Variants in GAK observed in about 807,000 individuals in gnomAD.
GAK encodes cyclin-G-associated kinase.
A neutral mutation model predicts 143.9 loss-of-function variants in GAK; 79 were observed. The observed-to-expected ratio is 0.55, with a 90% CI of 0.46 to 0.66. The LOEUF (loss-of-function observed/expected upper bound fraction) is 0.66. Ranked by LOEUF, GAK falls within the 30% of genes least tolerant of loss-of-function variation. The pLI, the probability that GAK is intolerant of heterozygous loss-of-function variation, is 0.00. For synonymous variants in GAK, 881 were observed against 765.5 expected (o/e 1.15, Z -2.49); for missense variants, 1,693 against 1,779.7 (o/e 0.95, Z 0.88).
rs1725990998 is a variant in GAK at position 932,144 on chromosome 4, C to A, written c.44G>T (p.Gly15Val). Residue 15 changes from glycine to valine, a missense_variant, in exon 1 of 28, where the codon GGC becomes GTC. Coordinates refer to ENST00000314167, the MANE Select transcript of GAK (RefSeq NM_005255.4). The surrounding 1 kb of genome is among the most constrained non-coding windows in gnomAD (Gnocchi z 4.0). ...GCGGCCGGAAGCACCGCCCAGGGAG[C>A]CTGGACCCGCCAAGAAGTCGAGCGC... ...QSALDFLAGP[G>V]SLGGASGRDQ... is the part of the protein sequence containing the mutation. 1.6e-5 allele frequency: 25 copies of A among 1,582,290 alleles called. No homozygotes were observed. The highest frequency in any genetic ancestry group is 2.1e-5 in the Non-Finnish European group (25 of 1,165,240).
intron 1 of GAK, among the ~76,000 whole-genome samples, chr4:916,636 C>A (rs928110922): frequency 4.6e-5 from 7 of 152,182 alleles, no homozygotes; most frequent in Non-Finnish European, 7.3e-5. Flanking sequence ...CAGACTTAAA[C>A]CGCGAAGATA....
At chr4:850,142 C>T (rs534027782) in intron 26 of GAK, 74 bp from the exon 27 acceptor site, 1 of 1,412,880 alleles carries the variant, frequency 7.1e-7, no homozygotes, top group South Asian at 1.4e-5. Context: ...GAAACTGAGG[C>T]ACGACGCTGA....
At position 850,012 on chromosome 4, in the gene GAK, C is replaced by G; in HGVS notation, c.3714G>C (p.Leu1238=). The G allele has an allele frequency of 6.2e-7, 1 of 1,606,826 alleles. No individual in the cohort carries two copies. The highest frequency in any genetic ancestry group is 8.5e-7 in the Non-Finnish European group (1 of 1,176,030). ...TCTCCCCGTCCCACAGCACTGTGTG[C>G]AGCGTGGACAGCAGGGCCCGGATGT... ...ERNIRALLST[L]HTVLWDGESR... is the part of the protein sequence containing the mutation. The change falls in exon 27 of 28, where the codon CTG becomes CTC. Residue 1238 remains leucine, a synonymous_variant. Transcript: ENST00000314167.
At chr4:856,845 G>C (rs1422740393) in intron 24 of GAK, among the ~76,000 whole-genome samples, 1 of 152,214 alleles carries the variant, frequency 6.6e-6, no homozygotes. Flanking sequence ...CAGAGCACTG[G>C]GGTTACGGTG....
rs560848317 is a variant in GAK at position 912,103 on chromosome 4, G to A, written c.268-316C>T. ...AGGGCCCTCAGGGGGCTGTGCGCAG[G>A]GAGGCTGCGGCGTGGCTGTGTCCAC... On this transcript the variant is annotated intron_variant, in intron 3 of 27. Transcript: ENST00000314167. 368 of 466,662 alleles carry A rather than the reference G, an allele frequency of 7.9e-4. 1 individual carries two copies. The highest frequency in any genetic ancestry group is 1.5e-3 in the Admixed American group (65 of 42,860). The allele number at this position is 466,662 out of a possible 1,614,324, so 28.9% of individuals were successfully genotyped here. A position where few individuals can be genotyped will look rare whatever the true frequency, so the allele number is the denominator to read the frequency against.
At chr4:915,199 C>T (rs932538416) in intron 1 of GAK, among the ~76,000 whole-genome samples, 22 of 150,582 alleles carry the variant, frequency 1.5e-4, no homozygotes, top group Non-Finnish European at 2.8e-4. Flanking sequence ...TACACGGCCC[C>T]GTGCACTCAG....
intron 5 of GAK, among the ~76,000 whole-genome samples, chr4:899,524 G>C (rs1457466337): frequency 1.3e-5 from 2 of 152,230 alleles, no homozygotes; most frequent in Non-Finnish European, 2.9e-5. Context: ...GGCAGCGAGA[G>C]GAAGGCAAGT....
Position 877,141 on chromosome 4 carries a change from G to C in GAK, c.1923C>G (p.Leu641=). ...TGGACCGGGCGTGATAGATGACGAT[G>C]AGCACGTCTCCTTGCACCGTGACGC... ...PLGVTVQGDV[L]IVIYHARSTL... The change falls in exon 17 of 28, where the codon CTC becomes CTG. Residue 641 remains leucine, a synonymous_variant. Transcript: ENST00000314167. 1 of 1,614,002 alleles carries C rather than the reference G, an allele frequency of 6.2e-7. No homozygotes were observed. The highest frequency in any genetic ancestry group is 1.3e-5 in the African/African-American group (1 of 75,044).
chr4:905,554 C>A (rs902312096), intron 4 of GAK, among the ~76,000 whole-genome samples: 1 of 150,582 alleles, frequency 6.6e-6, no homozygotes, highest in Non-Finnish European at 1.5e-5. Flanking sequence ...CTCCGCCACG[C>A]CCCAGGCCAT....
At chr4:926,021 C>CG (rs1553899586) in intron 1 of GAK, among the ~76,000 whole-genome samples, 8 of 151,872 alleles carry the variant, frequency 5.3e-5, no homozygotes, top group African/African-American at 1.7e-4. Context: ...GGGTCGTCCC[C>CG]AACAGTGACC....
Position 877,153 on chromosome 4 carries a change from T to G in GAK, c.1911A>C (p.Gln637His). ...GATAGATGACGATGAGCACGTCTCC[T>G]TGCACCGTGACGCCCAGGGGAATCA... The part of the protein sequence containing the change: ...KAVIPLGVTV[Q>H]GDVLIVIYHA... The change falls in exon 17 of 28, where the codon CAA (glutamine) becomes CAC (histidine). Residue 637 changes from glutamine to histidine, a missense_variant. Gln to His is a conservative substitution (Grantham distance 24, BLOSUM62 0). This residue lies in a region of GAK where 871 missense variants were observed against 991.0 expected (regional missense o/e 0.88). Coordinates refer to ENST00000314167, the MANE Select transcript of GAK (RefSeq NM_005255.4). The G allele has an allele frequency of 6.2e-7, 1 of 1,613,930 alleles. No individual in the cohort carries two copies. Among genetic ancestry groups the G allele is most frequent in the Non-Finnish European group, 8.5e-7 (1 of 1,179,934 alleles).
chr4:919,398 G>A (rs1723576778), intron 1 of GAK, among the ~76,000 whole-genome samples: 1 of 152,246 alleles, frequency 6.6e-6, no homozygotes, highest in South Asian at 2.1e-4. Context: ...AGGCTCCAAA[G>A]GCCTTCAGTG....
At chr4:921,108 TTC>T (rs1280725655) in intron 1 of GAK, among the ~76,000 whole-genome samples, 2 of 150,644 alleles carry the variant, frequency 1.3e-5, no homozygotes, top group Non-Finnish European at 3.0e-5. Context: ...CTTCTTCTTT[TTC>T]TTTTTTTTTT....
chr4:929,727 A>C (rs919227751), intron 1 of GAK, among the ~76,000 whole-genome samples: 2 of 152,168 alleles, frequency 1.3e-5, no homozygotes, highest in African/African-American at 4.8e-5. Context: ...AATTTGAAGA[A>C]ATTAGAAAGC....
intron 11 of GAK, chr4:886,196 T>A (rs570616480): frequency 3.3e-5 from 5 of 152,410 alleles, no homozygotes; most frequent in African/African-American, 1.2e-4. Flanking sequence ...ACAGCAGGGC[T>A]GCCCTCAGCT....
chr4:864,713 CCCA>C (rs1457808690), intron 23 of GAK, among the ~76,000 whole-genome samples: 6 of 152,182 alleles, frequency 3.9e-5, no homozygotes, highest in Non-Finnish European at 7.3e-5. Context: ...CGAGACAAGA[CCCA>C]TGGGGTCGGC....
At position 858,785 on chromosome 4, in the gene GAK, T is replaced by C. The variant is rs1232147842; in HGVS notation, c.3283+821A>G. Among the ~76,000 whole-genome samples, 3 of 152,162 alleles carry C rather than the reference T, an allele frequency of 2.0e-5. No homozygotes were observed. The East Asian group carries it at 5.8e-4, about 29-fold the overall frequency. On this transcript the variant is annotated intron_variant, in intron 24 of 27. Coordinates refer to ENST00000314167, the MANE Select transcript of GAK (RefSeq NM_005255.4). ...GCCCTAGAGATCCAACGCCGACACCTGCTCACAGGAATTTGAGGCACTCAG... is the reference window on the plus strand; with the variant it reads ...GCCCTAGAGATCCAACGCCGACACCCGCTCACAGGAATTTGAGGCACTCAG...
intron 4 of GAK, among the ~76,000 whole-genome samples, chr4:907,219 G>A (rs537168169): frequency 2.0e-5 from 3 of 152,328 alleles, no homozygotes; most frequent in African/African-American, 7.2e-5. Context: ...CCCCAGCACA[G>A]CCCAGCACTG....
intron 22 of GAK, among the ~76,000 whole-genome samples, 156 bp downstream of exon 22, chr4:866,208 C>T (rs930454950): frequency 2.0e-5 from 3 of 151,750 alleles, no homozygotes; most frequent in Non-Finnish European, 2.9e-5. Flanking sequence ...ACCTCTGGGA[C>T]GTCCTGCAGG....
Sources: gnomAD v4.1 joint callset for allele counts (sites outside exome capture counted in the v4.1 genomes callset) on GRCh38, gnomAD v4.1.1 for gene constraint, gnomAD v4.1.1 regional missense constraint, Gnocchi (gnomAD v3.1) non-coding constraint, MANE v1.5 for transcripts, NCBI Gene and HGNC (gene_info 2026-07-23, HGNC 2026-07-21) for gene names.